Variants in ATAD5 observed in about 807,000 individuals in gnomAD.
ATAD5 encodes the protein ATPase family AAA domain containing 5.
A neutral mutation model predicts 176.9 loss-of-function variants in ATAD5; 58 were observed. The ratio of observed to expected loss-of-function variants is 0.33; its 90% CI spans 0.27 to 0.41. The LOEUF (loss-of-function observed/expected upper bound fraction) is 0.41, where lower values mean the gene tolerates loss of function less well. ATAD5 is among the 10% of genes least tolerant of loss of function. ATAD5 has a pLI of 1.00. For missense variants in ATAD5, 1,789 were observed against 2,094.1 expected (o/e 0.85, Z 2.84); for synonymous variants, 640 against 712.6 (o/e 0.90, Z 1.62).
At chr17:30,857,673 G>C (rs995032067) in intron 8 of ATAD5, among the ~76,000 whole-genome samples, 5 of 151,692 alleles carry the variant, frequency 3.3e-5, no homozygotes, top group Non-Finnish European at 5.9e-5. Context: ...TAATCTAATA[G>C]ATATAATTAG....
intron 3 of ATAD5, among the ~76,000 whole-genome samples, chr17:30,838,035 A>G (rs913193102): frequency 6.6e-6 from 1 of 152,208 alleles, no homozygotes; most frequent in Non-Finnish European, 1.5e-5. Flanking sequence ...TAGGATGTTT[A>G]GCAACACTCT....
chr17:30,847,315 G>A (rs1049214325), intron 6 of ATAD5, among the ~76,000 whole-genome samples: 33 of 144,110 alleles, frequency 2.3e-4, no homozygotes, highest in African/African-American at 9.6e-4. Flanking sequence ...TGAATATGCC[G>A]CTATATATAT....
chr17:30,890,407 TCTC>T (rs1276062286), intron 19 of ATAD5, among the ~76,000 whole-genome samples: 1 of 144,024 alleles, frequency 6.9e-6, no homozygotes, highest in Non-Finnish European at 1.5e-5. Context: ...CAGCATAATT[TCTC>T]TTCTTTTCTT....
intron 4 of ATAD5, among the ~76,000 whole-genome samples, chr17:30,841,124 C>T (rs923222647): frequency 3.3e-5 from 5 of 152,022 alleles, no homozygotes; most frequent in Admixed American, 6.6e-5. Flanking sequence ...ATTCTCCTGC[C>T]TCGGCCTCCC....
rs1361775585 is a variant in ATAD5, at chr17:30,855,307, A to G, written c.2615A>G (p.His872Arg). 5 of 1,591,630 alleles carry G rather than the reference A, an allele frequency of 3.1e-6. No homozygotes were observed. Among genetic ancestry groups the G allele is most frequent in the Non-Finnish European group, 4.3e-6 (5 of 1,171,680 alleles). The change falls in exon 7 of 23, where the codon CAT becomes CGT. Residue 872 changes from histidine (H) to arginine (R), a missense_variant. His to Arg is a conservative substitution (Grantham distance 29, BLOSUM62 0). Around this residue, in one of 6 missense-constraint regions of ATAD5, gnomAD observed 487 missense variants for 573.6 expected, o/e 0.85. Coordinates refer to ENST00000321990, the MANE Select transcript of ATAD5 (RefSeq NM_024857.5). ...AVSTSFQRVVHVQQKDDGCCL... is the reference protein window; with the variant it reads ...AVSTSFQRVVRVQQKDDGCCL... The stretch of plus-strand genomic sequence containing the variant: ...AGTACCAGTTTCCAGAGAGTCGTAC[A>G]TGTGCAACAAAAGGATGATGGTAAG...
In ATAD5 at chr17:30,877,993, TAAAC is replaced by T; in HGVS notation, c.3919-9_3919-6del. ...GTGTATTAATATATTAATATTCTAA[TAAAC>T]TGTAGGTTGATGTAATTTTTGATGA... On this transcript the variant is annotated splice_polypyrimidine_tract_variant and splice_region_variant and intron_variant, in intron 16 of 22. Transcript: ENST00000321990. 1 of 1,571,970 alleles carries T rather than the reference TAAAC, an allele frequency of 6.4e-7. No individual in the cohort carries two copies. The highest frequency in any genetic ancestry group is 8.7e-7 in the Non-Finnish European group (1 of 1,145,042).
At chr17:30,881,009 A>G (rs1908983012) in intron 18 of ATAD5, among the ~76,000 whole-genome samples, 3 of 151,394 alleles carry the variant, frequency 2.0e-5, no homozygotes, top group Admixed American at 2.0e-4. Context: ...TTTTCTTACG[A>G]TGATGAACAA....
intron 14 of ATAD5, among the ~76,000 whole-genome samples, chr17:30,874,860 A>G (rs911491947): frequency 6.6e-6 from 1 of 151,716 alleles, no homozygotes; most frequent in Non-Finnish European, 1.5e-5. Context: ...CAAACTTCTG[A>G]CCTTGTGATC....
In ATAD5 at chr17:30,843,966, A is replaced by T. The variant is rs772597697; in HGVS notation, c.2295A>T (p.Lys765Asn). The T allele has an allele frequency of 1.9e-6, 3 of 1,539,872 alleles. No homozygotes were observed. The African/African-American group carries it at 4.1e-5, about 21-fold the overall frequency. ...CTACTGCTTTAAAGCATCCAGAGAA[A>T]AATCAGAAGAAACTTCAGTGTTTGA... ...SSPTALKHPE[K>N]NQKKLQCLND... Residue 765 changes from lysine (K) to asparagine (N), a missense_variant, in exon 5 of 23, where the codon AAA becomes AAT. By Grantham distance (94) the Lys-to-Asn change is moderately conservative. Coordinates refer to ENST00000321990, the MANE Select transcript of ATAD5 (RefSeq NM_024857.5).
rs1906048566 is a variant in ATAD5 at position 30,840,671 on chromosome 17, A to C, written c.2131A>C (p.Lys711Gln). 1 of 1,591,406 alleles carries C rather than the reference A, an allele frequency of 6.3e-7. No individual in the cohort carries two copies. Among genetic ancestry groups the C allele is most frequent in the African/African-American group, 1.3e-5 (1 of 74,228 alleles). Residue 711 changes from lysine to glutamine, a missense_variant, in exon 4 of 23, where the codon AAA becomes CAA. Lys to Gln is a moderately conservative substitution (Grantham distance 53). This residue lies in a region of ATAD5 where 487 missense variants were observed against 573.6 expected (regional missense o/e 0.85). Coordinates refer to ENST00000321990, the MANE Select transcript of ATAD5 (RefSeq NM_024857.5). ...SKAKQLIEKAKALHISRSKVT... is the reference protein window; with the variant it reads ...SKAKQLIEKAQALHISRSKVT... ...AGCAAAACAATTGATTGAAAAAGCA[A>C]AAGCTTTACACATCAGTAGGTCAAA...
intron 5 of ATAD5, 28 bp from the exon 6 acceptor site, chr17:30,844,799 AACATTGAT>A: frequency 7.3e-7 from 1 of 1,369,516 alleles, no homozygotes; most frequent in Non-Finnish European, 1.0e-6. Context: ...GGAGATGGTA[AACATTGAT>A]ACTAACCCAA....
intron 6 of ATAD5, among the ~76,000 whole-genome samples, chr17:30,848,926 A>G (rs921659441): frequency 6.6e-6 from 1 of 152,102 alleles, no homozygotes; most frequent in African/African-American, 2.4e-5. Flanking sequence ...ACTGGAGTAC[A>G]GTGGCATGAT....
At chr17:30,851,634 G>A (rs1906976215) in intron 6 of ATAD5, among the ~76,000 whole-genome samples, 1 of 152,104 alleles carries the variant, frequency 6.6e-6, no homozygotes, top group Admixed American at 6.6e-5. Context: ...CTGCTTTGGA[G>A]TGCAATGGCA....
chr17:30,851,690 A>T (rs1349467078), intron 6 of ATAD5, among the ~76,000 whole-genome samples: 1 of 151,914 alleles, frequency 6.6e-6, no homozygotes, highest in Non-Finnish European at 1.5e-5. Context: ...TCAAGTGATT[A>T]TCGTGCCTTA....
At chr17:30,842,806 C>T (rs73277950) in intron 4 of ATAD5, among the ~76,000 whole-genome samples, 305 of 152,196 alleles carry the variant, frequency 2.0e-3, no homozygotes, top group African/African-American at 6.3e-3. Flanking sequence ...GTTAATGGCG[C>T]GATCTCAGCT....
At chr17:30,876,841 C>T (rs1424610798) in intron 15 of ATAD5, among the ~76,000 whole-genome samples, 2 of 151,236 alleles carry the variant, frequency 1.3e-5, no homozygotes, top group African/African-American at 2.4e-5. Context: ...CTCAGCCTCC[C>T]GAGTAGCTGG....
rs760422303 is a variant in ATAD5 at position 30,893,633 on chromosome 17, T to C, written c.4780T>C (p.Ser1594Pro). 1.2e-6 allele frequency: 2 copies of C among 1,613,870 alleles called. No homozygotes were observed. The highest frequency in any genetic ancestry group is 1.1e-5 in the South Asian group (1 of 91,036). ...DFPDQSISLS[S>P]VSSSSNAEES... The stretch of plus-strand genomic sequence containing the variant: ...TCCTGATCAATCTATTAGCCTGTCC[T>C]CTGTATCATCTTCCTCAAATGCAGA... The change falls in exon 21 of 23, where the codon TCT becomes CCT. Residue 1594 changes from serine (S) to proline (P), a missense_variant. Physicochemically the swap from Ser to Pro is moderately conservative, Grantham distance 74. Coordinates refer to ENST00000321990, the MANE Select transcript of ATAD5 (RefSeq NM_024857.5).
At position 30,835,000 on chromosome 17, in the gene ATAD5, G is replaced by C. The variant is rs112921454; in HGVS notation, c.919G>C (p.Glu307Gln). The C allele has an allele frequency of 8.1e-6, 13 of 1,613,884 alleles. No homozygotes were observed. In the Admixed American group the frequency reaches 2.2e-4, roughly 27 times the overall value. ...AATAGTCAAAAGTGGTTATATAAGTGAATCAGAAAACTCCGAAATTTCCCA... is the reference window on the plus strand; with the variant it reads ...AATAGTCAAAAGTGGTTATATAAGTCAATCAGAAAACTCCGAAATTTCCCA... ...DEIVKSGYIS[E>Q]SENSEISQQV... Residue 307 changes from glutamate to glutamine, a missense_variant, in exon 2 of 23, where the codon GAA (glutamate) becomes CAA (glutamine). Coordinates refer to ENST00000321990, the MANE Select transcript of ATAD5 (RefSeq NM_024857.5).
chr17:30,868,471 A>G (rs1555557929), intron 12 of ATAD5, 59 bp downstream of exon 12: 3 of 1,124,030 alleles, frequency 2.7e-6, no homozygotes, highest in Non-Finnish European at 3.6e-6. Context: ...TTAGAGTTAC[A>G]TTAACTAAAA....
Sources: allele counts gnomAD v4.1 joint callset (sites outside exome capture counted in the v4.1 genomes callset), GRCh38; gene constraint gnomAD v4.1.1; regional missense constraint gnomAD v4.1.1; transcripts MANE v1.5; gene names NCBI Gene and HGNC (gene_info 2026-07-23, HGNC 2026-07-21).